The following CLTRN variants were observed in gnomAD, a reference collection of about 807,000 sequenced individuals.
CLTRN encodes the protein collectrin.
Under a neutral mutation model 14.5 loss-of-function variants are expected in CLTRN, and 12 were observed. The observed-to-expected ratio is 0.83, with a 90% CI of 0.53 to 1.34. CLTRN has a LOEUF of 1.34. Ranked by LOEUF, CLTRN falls within the 40% of genes most tolerant of loss-of-function variation. The pLI, the probability that CLTRN is intolerant of heterozygous loss-of-function variation, is 0.00. For synonymous variants in CLTRN, 58 were observed against 56.5 expected (o/e 1.03, Z -0.12); for missense variants, 154 against 165.1 (o/e 0.93, Z 0.37).
At chrX:15,648,274 G>C (rs918510073) in intron 3 of CLTRN, among the ~76,000 whole-genome samples, 7 of 111,903 alleles carry the variant, frequency 6.3e-5, no homozygotes, top group Non-Finnish European at 1.1e-4. Flanking sequence ...CAGATTAAAG[G>C]AAAGAAATAG....
chrX:15,665,828 CA>C (rs773302690), upstream of CLTRN, among the ~76,000 whole-genome samples: 5 of 112,197 alleles, frequency 4.5e-5, no homozygotes, highest in African/African-American at 9.7e-5. Context: ...ATCATCATCT[CA>C]TACGGGAGGG....
At chrX:15,634,359 G>A (rs1251872444) in intron 5 of CLTRN, among the ~76,000 whole-genome samples, 1 of 110,923 alleles carries the variant, frequency 9.0e-6, no homozygotes, top group Non-Finnish European at 1.9e-5. Context: ...GCTAACAAAT[G>A]CCAGAGCCTG....
upstream of CLTRN, chrX:15,675,052 G>A (rs1929803769): frequency 8.9e-6 from 1 of 112,356 alleles, no homozygotes; most frequent in Non-Finnish European, 1.9e-5. Flanking sequence ...CGGCCACGGC[G>A]GGAACGGCCC....
At chrX:15,657,448 T>G (rs937919164) in intron 3 of CLTRN, among the ~76,000 whole-genome samples, 3 of 112,678 alleles carry the variant, frequency 2.7e-5, no homozygotes, top group Admixed American at 9.4e-5. Flanking sequence ...AAATTAAAAT[T>G]TCCTAAGAAT....
chrX:15,657,855 C>A (rs1260312162), intron 3 of CLTRN, among the ~76,000 whole-genome samples: 1 of 111,550 alleles, frequency 9.0e-6, no homozygotes, highest in Admixed American at 9.5e-5. Flanking sequence ...TATTTTAAAA[C>A]ATATATTTAA....
At chrX:15,664,569 T>G (rs1369856433) in intron 1 of CLTRN, 149 bp downstream of exon 1, 1 of 668,888 alleles carries the variant, frequency 1.5e-6, no homozygotes, top group Non-Finnish European at 2.3e-6. Context: ...GGTTTAATAT[T>G]TTCTTTCAAA....
intron 2 of CLTRN, among the ~76,000 whole-genome samples, chrX:15,664,081 G>T (rs1458906055): frequency 1.8e-5 from 2 of 111,970 alleles, no homozygotes; most frequent in African/African-American, 3.2e-5. Flanking sequence ...TTGAGATGCT[G>T]GTTTTTTAAG....
At chrX:15,660,432 C>T (rs12556224) in intron 2 of CLTRN, among the ~76,000 whole-genome samples, 19 of 110,468 alleles carry the variant, frequency 1.7e-4, no homozygotes, top group Admixed American at 1.6e-3. Context: ...GAACCTTAAA[C>T]TTTCTTCAGT....
intron 3 of CLTRN, chrX:15,646,667 C>T (rs1929083620): frequency 2.9e-6 from 1 of 339,970 alleles, no homozygotes; most frequent in Admixed American, 3.1e-5. Context: ...GCATCCGCGT[C>T]CTGAGAGAGA....
intron 3 of CLTRN, chrX:15,646,594 C>G (rs755260342): frequency 1.4e-4 from 49 of 339,438 alleles, no homozygotes; most frequent in African/African-American, 1.3e-3. Flanking sequence ...CAGCCCCTCC[C>G]CACCGCTCCT....
intron 5 of CLTRN, among the ~76,000 whole-genome samples, chrX:15,639,305 C>G (rs1482687969): frequency 1.8e-5 from 2 of 111,758 alleles, no homozygotes; most frequent in Non-Finnish European, 3.8e-5. Flanking sequence ...TAAAATCAAG[C>G]CTGGATATGA....
chrX:15,655,463 G>A (rs541691395), intron 3 of CLTRN, among the ~76,000 whole-genome samples: 207 of 111,911 alleles, frequency 1.8e-3, no homozygotes, highest in African/African-American at 6.2e-3. Context: ...CTCTGCCTCC[G>A]GGGTGTACAC....
At chrX:15,633,076 T>C (rs1008970174) in intron 5 of CLTRN, among the ~76,000 whole-genome samples, 1 of 110,445 alleles carries the variant, frequency 9.1e-6, no homozygotes, top group Non-Finnish European at 1.9e-5. Flanking sequence ...GAGTGGGCAC[T>C]GTAGCACAGT....
intron 4 of CLTRN, among the ~76,000 whole-genome samples, chrX:15,641,873 G>A (rs868476984): frequency 1.8e-5 from 2 of 110,941 alleles, no homozygotes; most frequent in Admixed American, 9.6e-5. Context: ...AGTATGGCTT[G>A]AGAATCTCTG....
chrX:15,666,682 A>G (rs1039196731), upstream of CLTRN, among the ~76,000 whole-genome samples: 18 of 111,843 alleles, frequency 1.6e-4, no homozygotes. Flanking sequence ...GGAGTCAGGA[A>G]AAGCTGTACT....
At chrX:15,659,993 A>G (rs1172683019) in intron 2 of CLTRN, among the ~76,000 whole-genome samples, 1 of 112,062 alleles carries the variant, frequency 8.9e-6, no homozygotes, top group Non-Finnish European at 1.9e-5. Context: ...AAAGAAACTG[A>G]GCTGTTTAAG....
chrX:15,666,311 A>C (rs1429300008), upstream of CLTRN, among the ~76,000 whole-genome samples: 1 of 111,672 alleles, frequency 9.0e-6, no homozygotes, highest in African/African-American at 3.3e-5. Context: ...CGTGTAAAAG[A>C]ATCTTTCCCC....
At chrX:15,650,617 T>C (rs1420754254) in intron 3 of CLTRN, among the ~76,000 whole-genome samples, 2 of 112,299 alleles carry the variant, frequency 1.8e-5, no homozygotes, top group Admixed American at 9.4e-5. Flanking sequence ...TAAATAGTTT[T>C]GGCTGTTTGT....
In CLTRN at chrX:15,627,963, A is replaced by G. The variant is rs1267391537; in HGVS notation, c.*8T>C. ...TTTAATTTCTTGAGGAAGCAGAACA[A>G]CAGCCCTTCAGAGAGGGGTGAGCCT... On this transcript the variant is annotated 3_prime_UTR_variant, in exon 6 of 6. Coordinates refer to ENST00000380342, the MANE Select transcript of CLTRN (RefSeq NM_020665.6). The G allele has an allele frequency of 2.0e-6, 2 of 1,013,253 alleles. No individual in the cohort carries two copies. The highest frequency in any genetic ancestry group is 3.6e-5 in the East Asian group (1 of 27,577). The allele number at this position is 1,013,253 out of a possible 1,213,427, so 83.5% of individuals were successfully genotyped here.
Sources: allele counts gnomAD v4.1 joint callset (sites outside exome capture counted in the v4.1 genomes callset), GRCh38; gene constraint gnomAD v4.1.1; transcripts MANE v1.5; gene names NCBI Gene and HGNC (gene_info 2026-07-23, HGNC 2026-07-21).